The following KPNA5 variants were observed in gnomAD, a reference collection of about 807,000 sequenced individuals.
KPNA5 encodes importin subunit alpha-6.
KPNA5 carries 46 observed loss-of-function variants against 71.3 expected under a neutral mutation model. The ratio of observed to expected loss-of-function variants is 0.65; its 90% CI spans 0.51 to 0.83. KPNA5 has a LOEUF of 0.83. Among genes scored for constraint, KPNA5 ranks in the 40% least tolerant of loss-of-function variants. The pLI is 0.00. For synonymous variants in KPNA5, 207 were observed against 201.4 expected (o/e 1.03, Z -0.24); for missense variants, 547 against 628.3 (o/e 0.87, Z 1.38).
intron 5 of KPNA5, among the ~76,000 whole-genome samples, chr6:116,699,726 T>C (rs1778160486): frequency 6.6e-6 from 1 of 152,190 alleles, no homozygotes; most frequent in Non-Finnish European, 1.5e-5. Context: ...CTGGTTCCAT[T>C]CCTTTATATA....
At position 116,734,700 on chromosome 6, in the gene KPNA5, GCAGAGCCCTGACCAGGA is replaced by G. The variant is rs1779608420; in HGVS notation, c.*2378_*2394del. 1 of 145,042 alleles carries G rather than the reference GCAGAGCCCTGACCAGGA, an allele frequency of 6.9e-6. No individual in the cohort carries two copies. The highest frequency in any genetic ancestry group is 2.0e-4 in the East Asian group (1 of 5,012). The allele number at this position is 145,042 out of a possible 1,614,324, so 9.0% of individuals were successfully genotyped here. ...TATACCATTTAAAATATTTCATCAG[GCAGAGCCCTGACCAGGA>G]AAAAAAAAAAAAAAGAAAGAAAGAA... is the stretch of plus-strand genomic sequence containing the variant. On this transcript the variant is annotated 3_prime_UTR_variant, in exon 14 of 14. Coordinates refer to ENST00000368564, the MANE Select transcript of KPNA5 (RefSeq NM_001366306.2).
At chr6:116,727,310 C>T (rs574069381) in intron 12 of KPNA5, among the ~76,000 whole-genome samples, 1 of 151,970 alleles carries the variant, frequency 6.6e-6, no homozygotes, top group East Asian at 1.9e-4. Context: ...GTAAGTCAGC[C>T]TTCCATATCC....
chr6:116,714,569 C>T (rs1177897693), intron 7 of KPNA5, among the ~76,000 whole-genome samples: 3 of 152,136 alleles, frequency 2.0e-5, no homozygotes, highest in Non-Finnish European at 2.9e-5. Flanking sequence ...GTGCATGGGC[C>T]TTCAGACTGT....
At position 116,734,024 on chromosome 6, in the gene KPNA5, GAA is replaced by G. The variant is rs1181174498; in HGVS notation, c.*1702_*1703del. 13 of 151,744 alleles carry G rather than the reference GAA, an allele frequency of 8.6e-5. No individual in the cohort carries two copies. The East Asian group carries it at 2.5e-3, about 29-fold the overall frequency. 9.4% of individuals were successfully genotyped at this position (151,744 alleles called of 1,614,324 possible). Reference sequence around the variant, plus strand: ...GCCAGCCCTTTTTTATTATTAAGTAGAAGATTGTATCTGTGCCCCTTTTTTCG... The same window carrying G: ...GCCAGCCCTTTTTTATTATTAAGTAGGATTGTATCTGTGCCCCTTTTTTCG... On this transcript the variant is annotated 3_prime_UTR_variant, in exon 14 of 14. Transcript: ENST00000368564.
At chr6:116,706,983 T>C (rs1301093563) in intron 7 of KPNA5, among the ~76,000 whole-genome samples, 2 of 151,706 alleles carry the variant, frequency 1.3e-5, no homozygotes, top group African/African-American at 4.8e-5. Flanking sequence ...GCTAACACGG[T>C]GAAACCCGAT....
At chr6:116,709,901 C>T (rs985248825) in intron 7 of KPNA5, among the ~76,000 whole-genome samples, 15 of 151,996 alleles carry the variant, frequency 9.9e-5, no homozygotes. Context: ...GCTGGGACTA[C>T]AAGCGTGCAC....
At chr6:116,686,645 A>G (rs1434133322) in intron 1 of KPNA5, among the ~76,000 whole-genome samples, 1 of 152,186 alleles carries the variant, frequency 6.6e-6, no homozygotes, top group Non-Finnish European at 1.5e-5. Context: ...GATATTGCCT[A>G]GGTTGTCTTC....
At chr6:116,711,301 A>T (rs1778674457) in intron 7 of KPNA5, among the ~76,000 whole-genome samples, 1 of 136,848 alleles carries the variant, frequency 7.3e-6, no homozygotes, top group Non-Finnish European at 1.6e-5. Flanking sequence ...TGTTTAGTTG[A>T]TTTTCTGTAG....
In KPNA5 at chr6:116,686,158, G is replaced by A. The variant is rs901802585; in HGVS notation, c.5-3162G>A. Reference sequence around the variant, plus strand: ...GAGCTCAAGCAATCCTCCTGGCTCTGCCTCCCGCCTCTGCCTCCCGAAGTG... The same window carrying A: ...GAGCTCAAGCAATCCTCCTGGCTCTACCTCCCGCCTCTGCCTCCCGAAGTG... On this transcript the variant is annotated intron_variant, in intron 1 of 13. Transcript: ENST00000368564. Among the ~76,000 whole-genome samples, 3 of 152,128 alleles carry A rather than the reference G, an allele frequency of 2.0e-5. No individual in the cohort carries two copies. The South Asian group carries it at 6.2e-4, about 32-fold the overall frequency.
chr6:116,732,328 C>T lies in KPNA5; in HGVS notation c.*5C>T. On this transcript the variant is annotated 3_prime_UTR_variant, in exon 14 of 14. Transcript: ENST00000368564. ...ATGGATGGATTTCAACTTTAACTTA[C>T]TGGAGGAAAAAAAATTTATGGCTAA... 1 of 1,474,090 alleles carries T rather than the reference C, an allele frequency of 6.8e-7. No individual in the cohort carries two copies. Among genetic ancestry groups the T allele is most frequent in the Non-Finnish European group, 9.0e-7 (1 of 1,107,716 alleles). The allele number at this position is 1,474,090 out of a possible 1,614,324, so 91.3% of individuals were successfully genotyped here.
At chr6:116,713,628 CT>C (rs1778783531) in intron 7 of KPNA5, among the ~76,000 whole-genome samples, 1 of 152,058 alleles carries the variant, frequency 6.6e-6, no homozygotes, top group African/African-American at 2.4e-5. Flanking sequence ...TTCAGATATT[CT>C]TTTTGCTCCT....
chr6:116,682,291 C>T (rs1469261000), intron 1 of KPNA5, among the ~76,000 whole-genome samples: 1 of 152,078 alleles, frequency 6.6e-6, no homozygotes, highest in African/African-American at 2.4e-5. Context: ...AGCGCCATTG[C>T]ACTCCAGCCC....
chr6:116,728,280 A>T (rs576993804), intron 12 of KPNA5, among the ~76,000 whole-genome samples: 1 of 151,910 alleles, frequency 6.6e-6, no homozygotes, highest in African/African-American at 2.4e-5. Context: ...TTTTCAATTA[A>T]TTTTTGTGGT....
At position 116,735,986 on chromosome 6, in the gene KPNA5, A is replaced by G. The variant is rs1779655952; in HGVS notation, c.*3663A>G. 1 of 151,750 alleles carries G rather than the reference A, an allele frequency of 6.6e-6. No individual in the cohort carries two copies. Among genetic ancestry groups the G allele is most frequent in the Non-Finnish European group, 1.5e-5 (1 of 67,776 alleles). 9.4% of individuals were successfully genotyped at this position (151,750 alleles called of 1,614,324 possible). A position where few individuals can be genotyped will look rare whatever the true frequency, so the allele number is the denominator to read the frequency against. ...GTTTTCAAGAAGCAAATTGGTGAAA[A>G]GGGTGGAAAAAAGATATACCATGCT... On this transcript the variant is annotated 3_prime_UTR_variant, in exon 14 of 14. Coordinates refer to ENST00000368564, the MANE Select transcript of KPNA5 (RefSeq NM_001366306.2).
chr6:116,724,149 C>T, intron 9 of KPNA5, 148 bp from the exon 10 acceptor site: 1 of 545,668 alleles, frequency 1.8e-6, no homozygotes, highest in Non-Finnish European at 3.4e-6. Context: ...GGATTAGATC[C>T]TTTGTTATAA....
chr6:116,732,055 A>G (rs1779501885), intron 13 of KPNA5, 81 bp from the exon 14 acceptor site: 1 of 233,732 alleles, frequency 4.3e-6, no homozygotes, highest in Non-Finnish European at 7.7e-6. Flanking sequence ...CATATACTGA[A>G]ATTGTAGTAA....
At chr6:116,693,916 A>C (rs1404330775) in intron 4 of KPNA5, among the ~76,000 whole-genome samples, 2 of 151,884 alleles carry the variant, frequency 1.3e-5, no homozygotes, top group African/African-American at 2.4e-5. Context: ...TTTTTGTATA[A>C]GGTGTAAGGA....
In KPNA5 at chr6:116,712,798, T is replaced by A. The variant is rs111751023; in HGVS notation, c.657-3421T>A. Among the ~76,000 whole-genome samples the A allele has an allele frequency of 1.4e-3, 216 of 152,282 alleles. 1 individual carries two copies. The highest frequency in any genetic ancestry group is 4.1e-3 in the East Asian group (21 of 5,182). On this transcript the variant is annotated intron_variant, in intron 7 of 13. Transcript: ENST00000368564. ...TTGTTTTCCACATGTCACTTTTTTT[T>A]TAAAATAATTTATACTATTGATTCC...
intron 6 of KPNA5, 27 bp from the exon 7 acceptor site, chr6:116,705,040 ATTGTC>A: frequency 6.7e-7 from 1 of 1,500,706 alleles, no homozygotes; most frequent in Non-Finnish European, 9.2e-7. Flanking sequence ...AATTTAAAAT[ATTGTC>A]TTAAGATAAT....
Sources: allele counts gnomAD v4.1 joint callset (sites outside exome capture counted in the v4.1 genomes callset), GRCh38; gene constraint gnomAD v4.1.1; transcripts MANE v1.5; gene names NCBI Gene and HGNC (gene_info 2026-07-23, HGNC 2026-07-21).